The following RBPJ variants were observed in gnomAD, a reference collection of about 807,000 sequenced individuals.
RBPJ encodes the protein recombination signal binding protein for immunoglobulin kappa J region, also known as recombining binding protein suppressor of hairless.
A neutral mutation model predicts 67.8 loss-of-function variants in RBPJ; 9 were observed. The ratio of observed to expected loss-of-function variants is 0.13; its 90% CI spans 0.08 to 0.23. RBPJ has a LOEUF of 0.23. Ranked by LOEUF, RBPJ falls within the 10% of genes least tolerant of loss-of-function variation. The pLI is 1.00. For synonymous variants in RBPJ, 198 were observed against 203.3 expected (o/e 0.97, Z 0.22); for missense variants, 305 against 595.6 (o/e 0.51, Z 5.08).
chr4:26,116,722 C>A, the RBPJ span, among the ~76,000 whole-genome samples: 1 of 152,270 alleles, frequency 6.6e-6, no homozygotes, highest in Non-Finnish European at 1.5e-5. Flanking sequence ...AGACCTCCTG[C>A]CATTGTGGAT....
At chr4:26,202,653 T>TCCC (rs1391399528) in intron 1 of RBPJ, among the ~76,000 whole-genome samples, 1 of 152,050 alleles carries the variant, frequency 6.6e-6, no homozygotes, top group East Asian at 1.9e-4. Context: ...ATACCTGTAA[T>TCCC]CCCAGCACTT....
At chr4:26,278,166 T>C (rs930958645) in intron 1 of RBPJ, among the ~76,000 whole-genome samples, 1 of 152,202 alleles carries the variant, frequency 6.6e-6, no homozygotes, top group Non-Finnish European at 1.5e-5. Flanking sequence ...AGTTACTTTA[T>C]AACATATACT....
At chr4:26,267,047 A>G (rs1457693020) in intron 1 of RBPJ, among the ~76,000 whole-genome samples, 1 of 152,194 alleles carries the variant, frequency 6.6e-6, no homozygotes, top group Admixed American at 6.5e-5. Context: ...GATGCAGATG[A>G]TTGATAAGTT....
chr4:26,264,851 C>G lies in RBPJ; in HGVS notation c.-166-97595C>G, dbSNP rs1307914587. 2.6e-5 allele frequency among the ~76,000 whole-genome samples: 4 copies of G among 152,156 alleles called. No homozygotes were observed. In the East Asian group the frequency reaches 7.7e-4, roughly 29 times the overall value. On this transcript the variant is annotated intron_variant, in intron 1 of 4. Coordinates refer to the RBPJ transcript ENST00000512351. The surrounding 1 kb of genome is among the most constrained non-coding windows in gnomAD (Gnocchi z 4.1). Reference sequence around the variant, plus strand: ...GTTATTGTAGAGGCAAAGAAAATTTCCTTCTCCTTTTGAAGGTTCAAGTCT... The same window carrying G: ...GTTATTGTAGAGGCAAAGAAAATTTGCTTCTCCTTTTGAAGGTTCAAGTCT...
At chr4:26,179,399 T>G (rs938963662) in intron 1 of RBPJ, among the ~76,000 whole-genome samples, 1 of 151,338 alleles carries the variant, frequency 6.6e-6, no homozygotes, top group African/African-American at 2.4e-5. Context: ...TCATAGCCAC[T>G]GCAAGGAACA....
chr4:26,384,738 T>C (rs1247814245), intron 1 of RBPJ: 1 of 151,998 alleles, frequency 6.6e-6, no homozygotes, highest in Non-Finnish European at 1.5e-5. Context: ...TAGCTATTAT[T>C]GAGTATTTAC....
chr4:26,339,156 A>G (rs1003006603), intron 1 of RBPJ, among the ~76,000 whole-genome samples: 5 of 150,678 alleles, frequency 3.3e-5, no homozygotes, highest in African/African-American at 1.2e-4. Context: ...ATATAATTAT[A>G]TTGTGTGTTT....
chr4:26,368,059 A>G (rs1295482427), intron 1 of RBPJ: 2 of 152,346 alleles, frequency 1.3e-5, no homozygotes, highest in Non-Finnish European at 2.9e-5. Context: ...TACATAGTTC[A>G]GTTCTCTGAA....
chr4:26,197,088 A>C (rs2109148633), intron 1 of RBPJ, among the ~76,000 whole-genome samples: 1 of 152,250 alleles, frequency 6.6e-6, no homozygotes, highest in South Asian at 2.1e-4. Flanking sequence ...TCCTTTCAAA[A>C]GCTCCAGAGG....
At chr4:26,262,414 T>C (rs1280900014) in intron 1 of RBPJ, among the ~76,000 whole-genome samples, 1 of 152,186 alleles carries the variant, frequency 6.6e-6, no homozygotes, top group Non-Finnish European at 1.5e-5. Flanking sequence ...TCTCCTATTA[T>C]GCAAGATTAT....
chr4:26,418,625 A>T (rs1323015214), intron 4 of RBPJ, among the ~76,000 whole-genome samples: 2 of 151,974 alleles, frequency 1.3e-5, no homozygotes, highest in African/African-American at 4.8e-5. Context: ...GCTGGATTTC[A>T]GTATTTTCTC....
the RBPJ span, among the ~76,000 whole-genome samples, chr4:26,118,102 G>C: frequency 6.6e-6 from 1 of 152,036 alleles, no homozygotes; most frequent in Non-Finnish European, 1.5e-5. Flanking sequence ...TTGAGCCAAA[G>C]CTATGTCCAC....
At chr4:26,156,380 A>G in the RBPJ span, among the ~76,000 whole-genome samples, 7 of 151,008 alleles carry the variant, frequency 4.6e-5, no homozygotes, top group African/African-American at 1.7e-4. Flanking sequence ...TACTCCAAAA[A>G]CTATAACTAT....
At chr4:26,331,404 C>G (rs1724242266) in intron 1 of RBPJ, among the ~76,000 whole-genome samples, 1 of 151,206 alleles carries the variant, frequency 6.6e-6, no homozygotes. Context: ...TTTTTTTTTC[C>G]CATACCTTTC....
upstream of RBPJ, chr4:26,319,639 G>A: frequency 1.6e-6 from 1 of 609,212 alleles, no homozygotes; most frequent in South Asian, 1.9e-5. Context: ...ATTTCCCACG[G>A]CCGTGTTGTG....
chr4:26,346,916 C>T (rs1380500154), intron 1 of RBPJ, among the ~76,000 whole-genome samples: 5 of 151,698 alleles, frequency 3.3e-5, no homozygotes, highest in African/African-American at 9.7e-5. Context: ...CACTTGAACC[C>T]GGGAGGCGGA....
At chr4:26,355,786 TCA>T (rs1054003233) in intron 1 of RBPJ, among the ~76,000 whole-genome samples, 9 of 152,194 alleles carry the variant, frequency 5.9e-5, no homozygotes, top group Admixed American at 2.0e-4. Context: ...GCAGGTACAC[TCA>T]CACAAACTGT....
At chr4:26,384,705 T>C (rs573187620) in intron 1 of RBPJ, 6 of 152,228 alleles carry the variant, frequency 3.9e-5, no homozygotes, top group African/African-American at 1.4e-4. Flanking sequence ...TAACTACTTA[T>C]AGCTAAAAAC....
chr4:26,385,963 A>T lies in RBPJ; in HGVS notation c.21-390A>T, dbSNP rs377552525. Among the ~76,000 whole-genome samples the T allele has an allele frequency of 6.6e-5, 10 of 152,090 alleles. 1 individual carries two copies. Among genetic ancestry groups the T allele is most frequent in the African/African-American group, 2.4e-4 (10 of 41,514 alleles). On this transcript the variant is annotated intron_variant, in intron 1 of 10. Transcript: ENST00000355476. The stretch of plus-strand genomic sequence containing the variant: ...AACTACAGACAAGCACCACAACACC[A>T]GGCTAATAGAATTATTTTATAATGA...
Sources: gnomAD v4.1 joint callset for allele counts (sites outside exome capture counted in the v4.1 genomes callset) on GRCh38, gnomAD v4.1.1 for gene constraint, Gnocchi (gnomAD v3.1) non-coding constraint, MANE v1.5 for transcripts, NCBI Gene and HGNC (gene_info 2026-07-23, HGNC 2026-07-21) for gene names.